Variants in AGAP1 observed in about 807,000 individuals in gnomAD.
AGAP1 encodes the protein arf-GAP with GTPase, ANK repeat and PH domain-containing protein 1.
AGAP1 carries 29 observed loss-of-function variants against 105.3 expected under a neutral mutation model. The ratio of observed to expected loss-of-function variants is 0.28; its 90% CI spans 0.21 to 0.38. The LOEUF is 0.38. AGAP1 is among the 10% of genes least tolerant of loss of function. The pLI, the probability that AGAP1 is intolerant of heterozygous loss-of-function variation, is 1.00. For missense variants in AGAP1, 998 were observed against 1,165.1 expected (o/e 0.86, Z 2.09); for synonymous variants, 509 against 485.9 (o/e 1.05, Z -0.63).
At chr2:235,667,210 G>T (rs1436667871) in intron 1 of AGAP1, among the ~76,000 whole-genome samples, 1 of 152,108 alleles carries the variant, frequency 6.6e-6, no homozygotes, top group East Asian at 1.9e-4. Context: ...TTCGGGAGTT[G>T]GGTCAATTCT....
rs572282682 is a variant in AGAP1 at position 235,544,625 on chromosome 2, CA to C, written c.163+49777del. Among the ~76,000 whole-genome samples the C allele has an allele frequency of 5.5e-3, 836 of 152,308 alleles. 8 individuals are homozygous for C. Among genetic ancestry groups the C allele is most frequent in the Non-Finnish European group, 7.4e-3 (502 of 68,020 alleles). ...CCATCAGTGGTCCACCAAGGTGGGA[CA>C]GTGCAGCTTGGGCCGGGCAGAGGTG... On this transcript the variant is annotated intron_variant, in intron 1 of 17. Transcript: ENST00000304032.
At chr2:236,023,294 C>G (rs1357917271) in intron 13 of AGAP1, among the ~76,000 whole-genome samples, 1 of 152,080 alleles carries the variant, frequency 6.6e-6, no homozygotes, top group Non-Finnish European at 1.5e-5. Context: ...CATCCCGGGT[C>G]CAGCCTGGCA....
intron 15 of AGAP1, 115 bp from the exon 16 acceptor site, chr2:236,048,944 G>A: frequency 9.9e-7 from 1 of 1,007,478 alleles, no homozygotes. Flanking sequence ...TCTCGCCATG[G>A]ATGTGGTTCT....
chr2:235,511,984 ATGCGTGTGTGAATGCG>A (rs1942151121), intron 1 of AGAP1, among the ~76,000 whole-genome samples: 1 of 125,230 alleles, frequency 8.0e-6, no homozygotes, highest in Admixed American at 7.7e-5. Context: ...GAGTGTGTGA[ATGCGTGTGTGAATGCG>A]TGTGTGACTG....
intron 5 of AGAP1, among the ~76,000 whole-genome samples, chr2:235,749,211 AAAAAAAAAG>A (rs1309621582): frequency 2.3e-5 from 2 of 85,856 alleles, no homozygotes; most frequent in Non-Finnish European, 5.0e-5. Flanking sequence ...CCATCTCATT[AAAAAAAAAG>A]AAAAAAAAAG....
intron 16 of AGAP1, among the ~76,000 whole-genome samples, chr2:236,064,176 G>A (rs531989644): frequency 6.6e-6 from 1 of 152,310 alleles, no homozygotes; most frequent in Non-Finnish European, 1.5e-5. Flanking sequence ...GAATTAGCCT[G>A]TGAACCTGTC....
intron 6 of AGAP1, among the ~76,000 whole-genome samples, chr2:235,770,276 A>G (rs115328476): frequency 7.1e-6 from 1 of 140,842 alleles, no homozygotes; most frequent in Non-Finnish European, 1.6e-5. Context: ...GGGACTACAG[A>G]CGCACGCCAC....
chr2:235,560,952 T>G (rs1215844734), intron 1 of AGAP1, among the ~76,000 whole-genome samples: 2 of 152,190 alleles, frequency 1.3e-5, no homozygotes, highest in African/African-American at 4.8e-5. Context: ...TCCATCAGTT[T>G]CTCATGTGTC....
chr2:236,002,969 T>A lies in AGAP1; in HGVS notation c.1646-33592T>A, dbSNP rs2056186287. Among the ~76,000 whole-genome samples, 1 of 152,022 alleles carries A rather than the reference T, an allele frequency of 6.6e-6. No individual in the cohort carries two copies. Among genetic ancestry groups the A allele is most frequent in the Non-Finnish European group, 1.5e-5 (1 of 67,998 alleles). ...CCTGCTCTGCACCCAGCTCTTCTTT[T>A]GTTTTGCTCACCGAGAAAAAGAAGA... On this transcript the variant is annotated intron_variant, in intron 13 of 17. Coordinates refer to ENST00000304032, the MANE Select transcript of AGAP1 (RefSeq NM_001037131.3). This position sits in a 1 kb window ranked among gnomAD's most constrained non-coding sequence, Gnocchi z 4.3.
rs1000214567 is a variant in AGAP1 at position 236,113,983 on chromosome 2, T to C, written c.2115-6209T>C. Among the ~76,000 whole-genome samples, 2 of 152,190 alleles carry C rather than the reference T, an allele frequency of 1.3e-5. No individual in the cohort carries two copies. Among genetic ancestry groups the C allele is most frequent in the African/African-American group, 4.8e-5 (2 of 41,456 alleles). ...GGGGATTGGGTCAGTGCCTTTCTTCTGATGAGTCGCCCATTCCCTCATTTT... is the reference window on the plus strand; with the variant it reads ...GGGGATTGGGTCAGTGCCTTTCTTCCGATGAGTCGCCCATTCCCTCATTTT... On this transcript the variant is annotated intron_variant, in intron 16 of 17. Transcript: ENST00000304032. The surrounding 1 kb of genome is among the most constrained non-coding windows in gnomAD (Gnocchi z 4.3).
chr2:235,880,655 A>G (rs1341046077), intron 9 of AGAP1, among the ~76,000 whole-genome samples: 1 of 151,674 alleles, frequency 6.6e-6, no homozygotes, highest in African/African-American at 2.4e-5. Context: ...CAGGAGAATC[A>G]CTTGAACCTG....
chr2:235,572,656 TAGTGGCCAACTTCCCCATCACCTTGGCTA>T (rs1944567632), intron 1 of AGAP1, among the ~76,000 whole-genome samples: 1 of 152,112 alleles, frequency 6.6e-6, no homozygotes, highest in African/African-American at 2.4e-5. Flanking sequence ...CTCCAGAAAA[TAGTGGCCAACTTCCCCATCACCTTGGCTA>T]GAAGTCACCC....
chr2:235,604,212 C>T (rs542838958), intron 1 of AGAP1, among the ~76,000 whole-genome samples: 71 of 152,134 alleles, frequency 4.7e-4, no homozygotes, highest in African/African-American at 1.7e-3. Flanking sequence ...AATAGTGTGG[C>T]TCTTGCCTGG....
At chr2:236,084,935 C>G (rs1467688029) in intron 16 of AGAP1, among the ~76,000 whole-genome samples, 2 of 151,686 alleles carry the variant, frequency 1.3e-5, no homozygotes, top group Non-Finnish European at 2.9e-5. Context: ...ATTTTTTAGG[C>G]CGGGCACGGT....
At chr2:235,525,501 A>G (rs530667582) in intron 1 of AGAP1, among the ~76,000 whole-genome samples, 1 of 151,138 alleles carries the variant, frequency 6.6e-6, no homozygotes, top group Non-Finnish European at 1.5e-5. Flanking sequence ...ACTGATACAT[A>G]ATGTGGAGGA....
At chr2:235,682,804 G>GTGTGTGTGTGTGTT (rs1949155539) in intron 1 of AGAP1, among the ~76,000 whole-genome samples, 1 of 151,694 alleles carries the variant, frequency 6.6e-6, no homozygotes, top group African/African-American at 2.4e-5. Context: ...ACACGTGTGT[G>GTGTGTGTGTGTGTT]TGTGTGTGTG....
intron 9 of AGAP1, among the ~76,000 whole-genome samples, chr2:235,859,624 A>G (rs779139255): frequency 1.7e-4 from 26 of 151,674 alleles, no homozygotes; most frequent in African/African-American, 4.6e-4. Context: ...TAGTAACTCA[A>G]TGCTCAGAGA....
In AGAP1 at chr2:235,951,110, G is replaced by T. The variant is rs922872359; in HGVS notation, c.1484-17352G>T. Among the ~76,000 whole-genome samples the T allele has an allele frequency of 6.6e-6, 1 of 152,108 alleles. No individual in the cohort carries two copies. The highest frequency in any genetic ancestry group is 1.5e-5 in the Non-Finnish European group (1 of 68,034). On this transcript the variant is annotated intron_variant, in intron 12 of 17. Coordinates refer to ENST00000304032, the MANE Select transcript of AGAP1 (RefSeq NM_001037131.3). The surrounding 1 kb of genome is among the most constrained non-coding windows in gnomAD (Gnocchi z 4.2). Reference sequence around the variant, plus strand: ...TTAAATATCATTAATTCTGGAGGTTGCACTCTGAATGATTTCTTATTTTGT... The same window carrying T: ...TTAAATATCATTAATTCTGGAGGTTTCACTCTGAATGATTTCTTATTTTGT...
intron 11 of AGAP1, among the ~76,000 whole-genome samples, chr2:235,912,429 C>T (rs1186303567): frequency 1.3e-5 from 2 of 152,152 alleles, no homozygotes; most frequent in Non-Finnish European, 2.9e-5. Flanking sequence ...AATACTTAAC[C>T]TTATTCTTCA....
Sources: gnomAD v4.1 joint callset for allele counts (sites outside exome capture counted in the v4.1 genomes callset) on GRCh38, gnomAD v4.1.1 for gene constraint, Gnocchi (gnomAD v3.1) non-coding constraint, MANE v1.5 for transcripts, NCBI Gene and HGNC (gene_info 2026-07-23, HGNC 2026-07-21) for gene names.